The following DNAH3 variants were observed in gnomAD, a reference collection of about 807,000 sequenced individuals.
The protein encoded by DNAH3 is dynein axonemal heavy chain 3.
In DNAH3, 332 loss-of-function variants were observed where a neutral mutation model predicts 432.5. The observed-to-expected ratio is 0.77, with a 90% CI of 0.70 to 0.84. The LOEUF is 0.84. Ranked by LOEUF, DNAH3 falls within the 40% of genes least tolerant of loss-of-function variation. The probability of loss-of-function intolerance (pLI) is 0.00; values close to 1 mark genes in which losing one functional copy is unlikely to be tolerated. For synonymous variants in DNAH3, 1,956 were observed against 1,900.2 expected (o/e 1.03, Z -0.76); for missense variants, 4,861 against 5,114.0 (o/e 0.95, Z 1.51).
intron 10 of DNAH3, 37 bp downstream of exon 11, chr16:21,121,908 A>T: frequency 6.5e-7 from 1 of 1,540,440 alleles, no homozygotes; most frequent in Non-Finnish European, 8.8e-7. Flanking sequence ...ACTAAGTGAA[A>T]AAATCATGCA....
chr16:20,968,217 C>T (rs532222307), intron 52 of DNAH3, among the ~76,000 whole-genome samples: 4 of 152,212 alleles, frequency 2.6e-5, no homozygotes, highest in Non-Finnish European at 4.4e-5. Context: ...TACAGACATG[C>T]GCCAGCATGC....
In DNAH3 at chr16:20,954,943, G is replaced by A. The variant is rs891708143; in HGVS notation, c.10941C>T (p.Tyr3647=). The A allele has an allele frequency of 5.6e-6, 9 of 1,614,076 alleles. No homozygotes were observed. In the African/African-American group the frequency reaches 1.2e-4, roughly 22 times the overall value. ...CAGGATCTGAGATGGGGTCATTGAG[G>A]TAGGAGCGCAACAGGTTGGCCCGGA... The change falls in exon 55 of 62, where the codon TAC becomes TAT. Residue 3647 remains tyrosine (Y), a synonymous_variant. Coordinates refer to ENST00000261383, the Ensembl canonical transcript of DNAH3.
intron 9 of DNAH3, among the ~76,000 whole-genome samples, chr16:21,123,854 G>A (rs866945297): frequency 2.0e-5 from 3 of 151,832 alleles, no homozygotes; most frequent in Non-Finnish European, 4.4e-5. Context: ...AGGCAGTGGC[G>A]TGATCTCGGC....
rs74012110 is a variant in DNAH3 at position 21,118,727 on chromosome 16, T to C, written c.1700-1410A>G. 1.6e-3 allele frequency among the ~76,000 whole-genome samples: 245 copies of C among 152,322 alleles called. 1 individual carries two copies. Among genetic ancestry groups the C allele is most frequent in the African/African-American group, 5.1e-3 (210 of 41,576 alleles). ...TGGACCTGTAATTGTATATGAACCC[T>C]GGCCCTCGGCTCAGCCTCCAAAAGT... On this transcript the variant is annotated intron_variant, in intron 11 of 61. Coordinates refer to ENST00000261383, the Ensembl canonical transcript of DNAH3.
chr16:21,056,898 C>T (rs2090155487), intron 27 of DNAH3, among the ~76,000 whole-genome samples: 1 of 152,124 alleles, frequency 6.6e-6, no homozygotes, highest in African/African-American at 2.4e-5. Flanking sequence ...TGCATGTGTA[C>T]AGTGCAATAT....
At chr16:21,116,930 C>T (rs1476526079) in intron 12 of DNAH3, among the ~76,000 whole-genome samples, 1 of 152,166 alleles carries the variant, frequency 6.6e-6, no homozygotes, top group African/African-American at 2.4e-5. Flanking sequence ...TGCCAAAACC[C>T]ATCTGGCTTC....
rs750923465 is a variant in DNAH3, at chr16:21,097,340, G to A, written c.2665+15C>T. The A allele has an allele frequency of 6.2e-6, 10 of 1,613,068 alleles. No homozygotes were observed. The South Asian group carries it at 9.9e-5, about 16-fold the overall frequency. On this transcript the variant is annotated intron_variant, in intron 18 of 61. Transcript: ENST00000261383. Reference sequence around the variant, plus strand: ...TCATCCCCATCTGTCCCAGCAGAGTGAGATCACCACATACCATTCATCCAT... The same window carrying A: ...TCATCCCCATCTGTCCCAGCAGAGTAAGATCACCACATACCATTCATCCAT...
At chr16:20,967,542 G>A (rs566100724) in intron 52 of DNAH3, among the ~76,000 whole-genome samples, 1 of 79,074 alleles carries the variant, frequency 1.3e-5, no homozygotes, top group Non-Finnish European at 2.2e-5. Flanking sequence ...TGTTCTTGTT[G>A]CCCAGGCTGG....
intron 1 of DNAH3, among the ~76,000 whole-genome samples, chr16:21,157,025 A>ACACACACAC (rs2092902716): frequency 6.6e-6 from 1 of 151,372 alleles, no homozygotes; most frequent in Admixed American, 6.6e-5. Flanking sequence ...ACACACACAC[A>ACACACACAC]ATCTTTTCCT....
intron 50 of DNAH3, among the ~76,000 whole-genome samples, chr16:20,976,067 A>AT (rs1199498580): frequency 3.3e-5 from 5 of 150,524 alleles, no homozygotes; most frequent in Admixed American, 6.6e-5. Flanking sequence ...TTTAAACTAC[A>AT]TTTTTTTCTT....
intron 55 of DNAH3, among the ~76,000 whole-genome samples, chr16:20,953,330 C>A (rs911834579): frequency 2.6e-5 from 4 of 151,700 alleles, no homozygotes; most frequent in Admixed American, 2.6e-4. Flanking sequence ...AGCTAGTTTA[C>A]GTAGTTTTAG....
intron 44 of DNAH3, 90 bp from the exon 45 acceptor site, chr16:20,988,155 C>T (rs2086302278): frequency 2.0e-6 from 3 of 1,537,820 alleles, no homozygotes; most frequent in Non-Finnish European, 2.6e-6. Context: ...GGTGGCTTTG[C>T]CTTCTGCCTT....
At chr16:21,152,733 G>A (rs1344709493) in intron 1 of DNAH3, among the ~76,000 whole-genome samples, 1 of 152,246 alleles carries the variant, frequency 6.6e-6, no homozygotes, top group Non-Finnish European at 1.5e-5. Context: ...GAGGGGCTTA[G>A]CACCCCGGCC....
intron 38 of DNAH3, among the ~76,000 whole-genome samples, chr16:21,026,739 T>C (rs1266862531): frequency 7.1e-6 from 1 of 141,566 alleles, no homozygotes; most frequent in African/African-American, 2.6e-5. Context: ...AAATGATAGA[T>C]ATGGGAGCCT....
At chr16:21,014,157 T>C (rs2087749668) in intron 41 of DNAH3, among the ~76,000 whole-genome samples, 1 of 152,166 alleles carries the variant, frequency 6.6e-6, no homozygotes, top group African/African-American at 2.4e-5. Flanking sequence ...GACCAGTATC[T>C]CTCATCAACA....
intron 23 of DNAH3, among the ~76,000 whole-genome samples, chr16:21,067,641 C>T (rs1196951630): frequency 1.3e-5 from 2 of 151,640 alleles, no homozygotes; most frequent in African/African-American, 4.9e-5. Flanking sequence ...ACCAACCAAA[C>T]CCAATTATAT....
exon 26 of DNAH3, chr16:21,060,330 C>T: frequency 6.2e-7 from 1 of 1,614,038 alleles, no homozygotes; most frequent in Non-Finnish European, 8.5e-7. Context: ...TCTGCTCCAC[C>T]TGCTGGAGCC....
intron 61 of DNAH3, among the ~76,000 whole-genome samples, chr16:20,934,277 T>G (rs564833311): frequency 1.1e-4 from 17 of 152,358 alleles, no homozygotes; most frequent in African/African-American, 4.1e-4. Context: ...TTTTATAAAT[T>G]TAACCAATAT....
intron 25 of DNAH3, among the ~76,000 whole-genome samples, chr16:21,061,988 T>C (rs2090376595): frequency 6.6e-6 from 1 of 152,224 alleles, no homozygotes; most frequent in African/African-American, 2.4e-5. Context: ...CTATTTCCAC[T>C]TGAGGGTGCT....
Sources: allele counts gnomAD v4.1 joint callset (sites outside exome capture counted in the v4.1 genomes callset), GRCh38; gene constraint gnomAD v4.1.1; transcripts MANE v1.5; gene names NCBI Gene and HGNC (gene_info 2026-07-23, HGNC 2026-07-21).